THADA: variants seen among roughly 807,000 people sequenced by gnomAD.
THADA encodes the protein tRNA (32-2'-O)-methyltransferase regulator THADA.
THADA carries 213 observed loss-of-function variants against 219.8 expected under a neutral mutation model. The observed-to-expected ratio is 0.97, with a 90% CI of 0.87 to 1.09. THADA has a LOEUF of 1.09. Ranked by LOEUF, THADA falls within the 50% of genes least tolerant of loss-of-function variation. THADA has a pLI of 0.00. For missense variants in THADA, 2,956 were observed against 2,311.3 expected (o/e 1.28, Z -5.72); for synonymous variants, 1,018 against 828.9 (o/e 1.23, Z -3.92).
At chr2:43,360,997 G>A (rs1669453313) in intron 29 of THADA, among the ~76,000 whole-genome samples, 1 of 148,670 alleles carries the variant, frequency 6.7e-6, no homozygotes, top group Non-Finnish European at 1.5e-5. Flanking sequence ...TGTCACAACT[G>A]AAAGGGGGTG....
At chr2:43,453,821 A>T (rs979354811) in intron 26 of THADA, among the ~76,000 whole-genome samples, 3 of 152,208 alleles carry the variant, frequency 2.0e-5, no homozygotes, top group African/African-American at 7.2e-5. Context: ...TCGTTTAAAG[A>T]CTGAAGCTGT....
chr2:43,300,286 C>T (rs757516880), intron 31 of THADA, among the ~76,000 whole-genome samples: 7 of 151,810 alleles, frequency 4.6e-5, no homozygotes, highest in South Asian at 2.1e-4. Context: ...CAGGCGTGAG[C>T]CACCGTGCCA....
At chr2:43,484,151 C>T (rs1005161550) in intron 26 of THADA, 2 of 154,244 alleles carry the variant, frequency 1.3e-5, no homozygotes, top group African/African-American at 2.4e-5. Context: ...GGGATTTATA[C>T]TTACAGCCAG....
At chr2:43,302,656 C>T (rs1432053380) in intron 31 of THADA, among the ~76,000 whole-genome samples, 1 of 152,134 alleles carries the variant, frequency 6.6e-6, no homozygotes, top group Non-Finnish European at 1.5e-5. Flanking sequence ...ATGTTAAAAA[C>T]CTACTATCTA....
chr2:43,311,842 C>T (rs1199371681), intron 31 of THADA, among the ~76,000 whole-genome samples: 1 of 152,196 alleles, frequency 6.6e-6, no homozygotes, highest in African/African-American at 2.4e-5. Context: ...ACATGGGCAA[C>T]TACTTTCAGA....
chr2:43,501,383 T>C (rs1688960358), intron 24 of THADA, among the ~76,000 whole-genome samples: 1 of 140,924 alleles, frequency 7.1e-6, no homozygotes. Flanking sequence ...ATAAATGACA[T>C]TAAATGATCT....
intron 27 of THADA, among the ~76,000 whole-genome samples, chr2:43,428,477 T>C (rs1056114595): frequency 1.3e-5 from 2 of 152,130 alleles, no homozygotes; most frequent in African/African-American, 4.8e-5. Flanking sequence ...TGGTGGCGCA[T>C]GCCTGTAATT....
intron 26 of THADA, among the ~76,000 whole-genome samples, chr2:43,442,394 C>T (rs1254204299): frequency 2.0e-5 from 3 of 152,116 alleles, no homozygotes; most frequent in Non-Finnish European, 2.9e-5. Context: ...CAAGATCACA[C>T]CACTGCACTC....
At chr2:43,415,407 T>C (rs1308539836) in intron 28 of THADA, among the ~76,000 whole-genome samples, 3 of 152,110 alleles carry the variant, frequency 2.0e-5, no homozygotes, top group African/African-American at 7.2e-5. Context: ...AGTGGCATCA[T>C]TCCTAGGGAA....
intron 21 of THADA, among the ~76,000 whole-genome samples, chr2:43,536,300 G>A (rs1005277035): frequency 6.6e-6 from 1 of 152,098 alleles, no homozygotes; most frequent in Non-Finnish European, 1.5e-5. Flanking sequence ...TGTTCCACTG[G>A]TCTATGTGTC....
At chr2:43,367,458 C>T (rs1670293921) in intron 29 of THADA, among the ~76,000 whole-genome samples, 1 of 152,142 alleles carries the variant, frequency 6.6e-6, no homozygotes, top group Non-Finnish European at 1.5e-5. Context: ...CAGGATTCTT[C>T]ATCTATTAAA....
At chr2:43,305,538 C>G (rs1239287312) in intron 31 of THADA, among the ~76,000 whole-genome samples, 1 of 152,192 alleles carries the variant, frequency 6.6e-6, no homozygotes, top group Non-Finnish European at 1.5e-5. Flanking sequence ...CCAGCATACT[C>G]TCAAAGGCAT....
At chr2:43,559,455 A>C (rs1697794682) in intron 16 of THADA, among the ~76,000 whole-genome samples, 2 of 152,212 alleles carry the variant, frequency 1.3e-5, no homozygotes, top group African/African-American at 4.8e-5. Context: ...ACCACAGCCT[A>C]GACCATGGCT....
chr2:43,373,856 G>A (rs11679230), intron 29 of THADA, among the ~76,000 whole-genome samples: 7,104 of 152,234 alleles, frequency 0.047, 256 homozygotes, highest in South Asian at 0.11. Flanking sequence ...GATGTTCTTT[G>A]TATTGATCAC....
intron 30 of THADA, among the ~76,000 whole-genome samples, chr2:43,327,583 T>C (rs1488207040): frequency 6.6e-6 from 1 of 152,108 alleles, no homozygotes; most frequent in South Asian, 2.1e-4. Context: ...TTGACACATA[T>C]CTACCCGCCT....
intron 36 of THADA, among the ~76,000 whole-genome samples, chr2:43,260,425 T>C (rs1292489524): frequency 6.6e-6 from 1 of 152,208 alleles, no homozygotes; most frequent in African/African-American, 2.4e-5. Flanking sequence ...CATTTACCTA[T>C]TTTTAAAGAC....
rs559298461 is a variant in THADA, at chr2:43,552,046, C to T, written c.2811-121G>A. 21 of 1,537,684 alleles carry T rather than the reference C, an allele frequency of 1.4e-5. No homozygotes were observed. In the South Asian group the frequency reaches 2.4e-4, roughly 18 times the overall value. ...TGTTCAATACATAAAACATGTGAGACATAAAAATATACACAGATACGTATG... is the reference window on the plus strand; with the variant it reads ...TGTTCAATACATAAAACATGTGAGATATAAAAATATACACAGATACGTATG... On this transcript the variant is annotated intron_variant, in intron 18 of 37. Coordinates refer to ENST00000405975, the MANE Select transcript of THADA (RefSeq NM_022065.5).
In THADA at chr2:43,338,149, CAG is replaced by C. The variant is rs371382774; in HGVS notation, c.4343+5971_4343+5972del. ...TCCATATTGTTGTGTAACAAATCAC[CAG>C]AACTTTTTTTTTTTTTTTTTTTTGA... On this transcript the variant is annotated intron_variant, in intron 30 of 37. Transcript: ENST00000405975. Among the ~76,000 whole-genome samples the C allele has an allele frequency of 1.0e-3, 148 of 147,670 alleles. 2 individuals carry two copies. Among genetic ancestry groups the C allele is most frequent in the African/African-American group, 3.5e-3 (141 of 40,272 alleles).
chr2:43,493,767 C>A (rs2105043483), intron 25 of THADA, among the ~76,000 whole-genome samples: 1 of 152,270 alleles, frequency 6.6e-6, no homozygotes. Context: ...GGTTTAATCT[C>A]TGAAATATTT....
Sources: allele counts gnomAD v4.1 joint callset (sites outside exome capture counted in the v4.1 genomes callset), GRCh38; gene constraint gnomAD v4.1.1; transcripts MANE v1.5; gene names NCBI Gene and HGNC (gene_info 2026-07-23, HGNC 2026-07-21).